The following PCDHA13 variants were observed in gnomAD, a reference collection of about 807,000 sequenced individuals.
PCDHA13 encodes the protein protocadherin alpha-13.
In PCDHA13, 54 loss-of-function variants were observed where a neutral mutation model predicts 64.8. The observed-to-expected ratio is 0.83, with a 90% CI of 0.67 to 1.04. The LOEUF (loss-of-function observed/expected upper bound fraction) is 1.04. Among genes scored for constraint, PCDHA13 ranks in the 50% least tolerant of loss-of-function variants. The pLI, the probability that PCDHA13 is intolerant of heterozygous loss-of-function variation, is 0.00. For synonymous variants in PCDHA13, 587 were observed against 564.4 expected (o/e 1.04, Z -0.57); for missense variants, 1,248 against 1,254.3 (o/e 0.99, Z 0.08).
intron 1 of PCDHA13, among the ~76,000 whole-genome samples, chr5:140,889,657 C>T (rs1411654885): frequency 2.0e-5 from 3 of 152,128 alleles, no homozygotes; most frequent in African/African-American, 7.2e-5. Context: ...GAGATGTCCT[C>T]TTCCCAGCCT....
At chr5:140,993,462 T>TCACA (rs3836747) in intron 3 of PCDHA13, among the ~76,000 whole-genome samples, 8,584 of 140,952 alleles carry the variant, frequency 0.061, 300 homozygotes, top group Admixed American at 0.12. Flanking sequence ...TCTTTCTTTC[T>TCACA]CACACACACA....
At chr5:140,999,345 C>A (rs2097854633) in intron 3 of PCDHA13, among the ~76,000 whole-genome samples, 1 of 152,178 alleles carries the variant, frequency 6.6e-6, no homozygotes, top group Non-Finnish European at 1.5e-5. Flanking sequence ...TAAGCCTTGT[C>A]TCTTTTTAAT....
At chr5:140,887,461 T>C (rs2061460929) in intron 1 of PCDHA13, among the ~76,000 whole-genome samples, 1 of 152,226 alleles carries the variant, frequency 6.6e-6, no homozygotes, top group African/African-American at 2.4e-5. Flanking sequence ...TTTTAAAAGA[T>C]ATAATTCAGT....
rs577527606 is a variant in PCDHA13 at position 140,882,595 on chromosome 5, C to A, written c.327C>A (p.Ile109=). 3.7e-6 allele frequency: 6 copies of A among 1,614,204 alleles called. No individual in the cohort carries two copies. The African/African-American group carries it at 8.0e-5, about 22-fold the overall frequency. The change falls in exon 1 of 4, where the codon ATC becomes ATA. Residue 109 remains isoleucine, a synonymous_variant. Coordinates refer to ENST00000289272, the MANE Select transcript of PCDHA13 (RefSeq NM_018904.3). ...AGTGCAGCATCCACCTGGAGGTGAT[C>A]GTGGACAGGCCTCTGCAGGTTTTCC... ...SAECSIHLEV[I]VDRPLQVFHV...
At chr5:140,987,480 A>C (rs1489888830) in intron 3 of PCDHA13, among the ~76,000 whole-genome samples, 2 of 152,192 alleles carry the variant, frequency 1.3e-5, no homozygotes, top group African/African-American at 4.8e-5. Flanking sequence ...CTTGGGAGTC[A>C]GTGACCCTTT....
intron 3 of PCDHA13, among the ~76,000 whole-genome samples, chr5:141,008,816 C>T (rs2098391999): frequency 6.6e-6 from 1 of 152,190 alleles, no homozygotes; most frequent in African/African-American, 2.4e-5. Context: ...GCTCAATTTA[C>T]AACAGGATTC....
chr5:140,994,317 T>A (rs1053879490), intron 3 of PCDHA13, among the ~76,000 whole-genome samples: 7 of 152,086 alleles, frequency 4.6e-5, no homozygotes, highest in African/African-American at 1.7e-4. Flanking sequence ...GCCCAAACAC[T>A]CTCAGCAACC....
chr5:140,959,408 A>C (rs1554224058), intron 1 of PCDHA13, among the ~76,000 whole-genome samples: 2 of 152,124 alleles, frequency 1.3e-5, no homozygotes, highest in Non-Finnish European at 1.5e-5. Context: ...TAAAGTGTTG[A>C]TTGATCTGAG....
At chr5:140,998,850 A>G (rs904977478) in intron 3 of PCDHA13, among the ~76,000 whole-genome samples, 18 of 152,234 alleles carry the variant, frequency 1.2e-4, no homozygotes, top group Non-Finnish European at 2.1e-4. Context: ...GGTGTGAGCC[A>G]CATGCCTGGC....
At chr5:140,948,519 CTA>C (rs2094266581) in intron 1 of PCDHA13, among the ~76,000 whole-genome samples, 1 of 151,476 alleles carries the variant, frequency 6.6e-6, no homozygotes, top group African/African-American at 2.4e-5. Context: ...AATGTTAACA[CTA>C]TTTATATTTT....
At chr5:140,967,236 T>C (rs142898054) in intron 1 of PCDHA13, 53 of 1,613,562 alleles carry the variant, frequency 3.3e-5, no homozygotes, top group Non-Finnish European at 4.2e-5. Context: ...CAGCTTCAGG[T>C]AAGCGAATCG....
At chr5:140,982,207 C>T (rs868956427) in intron 2 of PCDHA13, 8 of 429,564 alleles carry the variant, frequency 1.9e-5, no homozygotes, top group East Asian at 1.5e-4. Flanking sequence ...ATTTAGTGAG[C>T]GCCACATGGC....
chr5:140,907,864 G>A (rs1033952784), intron 1 of PCDHA13, among the ~76,000 whole-genome samples: 3 of 152,202 alleles, frequency 2.0e-5, no homozygotes, highest in African/African-American at 7.2e-5. Context: ...GAGGCCAGCC[G>A]TTGGTGAGCA....
intron 1 of PCDHA13, among the ~76,000 whole-genome samples, chr5:140,904,463 AT>A (rs2071154368): frequency 6.6e-6 from 1 of 151,520 alleles, no homozygotes; most frequent in Non-Finnish European, 1.5e-5. Flanking sequence ...ACACTTGTTG[AT>A]TGGTGGCTAT....
chr5:140,959,320 A>C (rs2095480939), intron 1 of PCDHA13, among the ~76,000 whole-genome samples: 1 of 152,108 alleles, frequency 6.6e-6, no homozygotes, highest in Non-Finnish European at 1.5e-5. Context: ...AGCTGCAATA[A>C]GTTTTGATTA....
At chr5:140,967,073 G>A (rs1554229137) in intron 1 of PCDHA13, 1 of 1,613,160 alleles carries the variant, frequency 6.2e-7, no homozygotes, top group South Asian at 1.1e-5. Flanking sequence ...CTTCGTCAAC[G>A]AGCGCATTGA....
At chr5:141,001,974 C>T (rs1375819013) in intron 3 of PCDHA13, among the ~76,000 whole-genome samples, 1 of 152,136 alleles carries the variant, frequency 6.6e-6, no homozygotes, top group African/African-American at 2.4e-5. Flanking sequence ...TGTCTCTGCG[C>T]GGAAAGCCTG....
At chr5:140,980,196 A>T (rs1404667828) in intron 2 of PCDHA13, among the ~76,000 whole-genome samples, 1 of 152,214 alleles carries the variant, frequency 6.6e-6, no homozygotes, top group Non-Finnish European at 1.5e-5. Flanking sequence ...TTTATTAGAG[A>T]CCAACTTGTG....
intron 1 of PCDHA13, among the ~76,000 whole-genome samples, chr5:140,917,068 G>A (rs2077864221): frequency 6.6e-6 from 1 of 152,066 alleles, no homozygotes; most frequent in African/African-American, 2.4e-5. Flanking sequence ...CGACAGCACC[G>A]AGTTTAATGT....
Sources: gnomAD v4.1 joint callset for allele counts (sites outside exome capture counted in the v4.1 genomes callset) on GRCh38, gnomAD v4.1.1 for gene constraint, MANE v1.5 for transcripts, NCBI Gene and HGNC (gene_info 2026-07-23, HGNC 2026-07-21) for gene names.